The following GABRB1 variants were observed in gnomAD, a reference collection of about 807,000 sequenced individuals.
GABRB1 encodes gamma-aminobutyric acid type A receptor subunit beta1.
Under a neutral mutation model 51.6 loss-of-function variants are expected in GABRB1, and 17 were observed. That is an observed-to-expected ratio of 0.33 (90% CI 0.23 to 0.49). GABRB1 has a LOEUF of 0.49. Ranked by LOEUF, GABRB1 falls within the 20% of genes least tolerant of loss-of-function variation. GABRB1 has a pLI of 0.99. For synonymous variants in GABRB1, 247 were observed against 218.9 expected, an observed-to-expected ratio of 1.13 and a Z score of -1.14; for missense variants, 410 against 600.6, an observed-to-expected ratio of 0.68 and a Z score of 3.32.
intron 5 of GABRB1, among the ~76,000 whole-genome samples, chr4:47,378,337 G>A (rs1021146019): frequency 6.6e-6 from 1 of 152,198 alleles, no homozygotes; most frequent in African/African-American, 2.4e-5. Flanking sequence ...AGGGCCGGCC[G>A]GCCGCTCCAA....
intron 5 of GABRB1, among the ~76,000 whole-genome samples, chr4:47,328,079 T>A (rs559451079): frequency 4.0e-4 from 61 of 152,358 alleles, no homozygotes; most frequent in Admixed American, 3.0e-3. Flanking sequence ...GAGCATTTTT[T>A]CATGTGTCTT....
At chr4:47,167,227 A>G (rs889093962) in intron 4 of GABRB1, among the ~76,000 whole-genome samples, 1 of 152,118 alleles carries the variant, frequency 6.6e-6, no homozygotes. Flanking sequence ...AATTATCACT[A>G]TTAATGACCA....
At chr4:47,192,174 G>C (rs1286329848) in intron 4 of GABRB1, among the ~76,000 whole-genome samples, 2 of 151,890 alleles carry the variant, frequency 1.3e-5, no homozygotes, top group African/African-American at 4.8e-5. Context: ...TCAAAAGAGA[G>C]ATACTAGATC....
intron 4 of GABRB1, among the ~76,000 whole-genome samples, chr4:47,261,023 G>T (rs368501017): frequency 2.6e-5 from 4 of 152,080 alleles, no homozygotes; most frequent in African/African-American, 7.2e-5. Flanking sequence ...AAACTCTCAA[G>T]AAATTAGGTA....
At chr4:47,238,455 T>G (rs546425557) in intron 4 of GABRB1, among the ~76,000 whole-genome samples, 1 of 152,278 alleles carries the variant, frequency 6.6e-6, no homozygotes, top group South Asian at 2.1e-4. Flanking sequence ...TTTTTAAAGA[T>G]GCTTTTTAAG....
intron 8 of GABRB1, among the ~76,000 whole-genome samples, chr4:47,409,652 A>G (rs1443573634): frequency 6.6e-6 from 1 of 152,220 alleles, no homozygotes; most frequent in Non-Finnish European, 1.5e-5. Context: ...GCCTGTTCCC[A>G]TTTAGAGCTG....
In GABRB1 at chr4:47,190,656, C is replaced by T. The variant is rs1173676192; in HGVS notation, c.461+29187C>T. ...TAAGAGGTTGAGTTGGGCAAGGCCA[C>T]ATAGGTAATAAGAAGGAGGACCAGG... On this transcript the variant is annotated intron_variant, in intron 4 of 8. Transcript: ENST00000295454. 4.6e-5 allele frequency among the ~76,000 whole-genome samples: 7 copies of T among 152,088 alleles called. 1 individual carries two copies. Among genetic ancestry groups the T allele is most frequent in the Admixed American group, 2.0e-4 (3 of 15,238 alleles).
At chr4:47,017,237 T>C (rs1463300525) in intron 1 of GABRB1, among the ~76,000 whole-genome samples, 2 of 152,208 alleles carry the variant, frequency 1.3e-5, no homozygotes, top group African/African-American at 4.8e-5. Flanking sequence ...TGTGTTAACA[T>C]TCAAGTCTAA....
intron 3 of GABRB1, among the ~76,000 whole-genome samples, chr4:47,070,556 T>A (rs1727291544): frequency 6.6e-6 from 1 of 152,076 alleles, no homozygotes; most frequent in Admixed American, 6.6e-5. Context: ...GTTCTCGAAC[T>A]CCTGACCTCA....
chr4:47,127,692 T>G (rs776931455), intron 3 of GABRB1, among the ~76,000 whole-genome samples: 2 of 151,900 alleles, frequency 1.3e-5, no homozygotes, highest in African/African-American at 2.4e-5. Flanking sequence ...TGTTTCCCTT[T>G]CAACATCATC....
intron 3 of GABRB1, among the ~76,000 whole-genome samples, chr4:47,154,762 T>C (rs1321738727): frequency 6.6e-6 from 1 of 152,060 alleles, no homozygotes; most frequent in Non-Finnish European, 1.5e-5. Flanking sequence ...GAAACAGAAG[T>C]AGACAGTCTT....
chr4:47,016,821 T>C (rs1487807969), intron 1 of GABRB1, among the ~76,000 whole-genome samples: 1 of 152,046 alleles, frequency 6.6e-6, no homozygotes, highest in Non-Finnish European at 1.5e-5. Flanking sequence ...AACTCCTGAC[T>C]TCAGGTGATC....
intron 3 of GABRB1, among the ~76,000 whole-genome samples, chr4:47,051,823 T>C (rs1294824423): frequency 6.6e-6 from 1 of 152,076 alleles, no homozygotes; most frequent in Non-Finnish European, 1.5e-5. Flanking sequence ...AGCCGACTAG[T>C]AGTTACATAT....
At chr4:47,327,416 C>T (rs1165811542) in intron 5 of GABRB1, among the ~76,000 whole-genome samples, 2 of 151,848 alleles carry the variant, frequency 1.3e-5, no homozygotes, top group African/African-American at 2.4e-5. Context: ...AACCAACAGC[C>T]AGGTAAGGAA....
intron 4 of GABRB1, among the ~76,000 whole-genome samples, chr4:47,241,769 T>C (rs1721531018): frequency 6.6e-6 from 1 of 152,238 alleles, no homozygotes; most frequent in African/African-American, 2.4e-5. Flanking sequence ...TCTTTGATTA[T>C]GCAGGGGACA....
intron 4 of GABRB1, among the ~76,000 whole-genome samples, chr4:47,226,296 T>C (rs1484985542): frequency 6.6e-6 from 1 of 152,120 alleles, no homozygotes; most frequent in African/African-American, 2.4e-5. Flanking sequence ...AGGGCTATAA[T>C]TTAAAATAAG....
At chr4:47,074,629 C>T (rs1172840098) in intron 3 of GABRB1, among the ~76,000 whole-genome samples, 1 of 152,126 alleles carries the variant, frequency 6.6e-6, no homozygotes, top group Non-Finnish European at 1.5e-5. Context: ...AATATTATTG[C>T]TATTATGACT....
chr4:47,008,838 G>A (rs559356148), intron 1 of GABRB1, among the ~76,000 whole-genome samples: 1 of 87,848 alleles, frequency 1.1e-5, no homozygotes, highest in African/African-American at 4.1e-5. Context: ...ACCCTGTCAC[G>A]CTATCAGATA....
At chr4:47,037,048 G>C (rs908681436) in intron 3 of GABRB1, among the ~76,000 whole-genome samples, 4 of 152,102 alleles carry the variant, frequency 2.6e-5, no homozygotes, top group African/African-American at 4.8e-5. Context: ...GGAGCCTGGA[G>C]ATGGGGCTTG....
Sources: allele counts gnomAD v4.1 joint callset (sites outside exome capture counted in the v4.1 genomes callset), GRCh38; gene constraint gnomAD v4.1.1; transcripts MANE v1.5; gene names NCBI Gene and HGNC (gene_info 2026-07-23, HGNC 2026-07-21).